Variants in DCLRE1C observed in about 807,000 individuals in gnomAD.
The protein encoded by DCLRE1C is protein artemis.
Under a neutral mutation model 61.4 loss-of-function variants are expected in DCLRE1C, and 47 were observed. The observed-to-expected ratio is 0.77, with a 90% CI of 0.61 to 0.98. The LOEUF is 0.98. Among genes scored for constraint, DCLRE1C ranks in the 50% least tolerant of loss-of-function variants. DCLRE1C has a pLI of 0.00. For missense variants in DCLRE1C, 858 were observed against 816.0 expected, an observed-to-expected ratio of 1.05 and a Z score of -0.63; for synonymous variants, 337 against 287.6, an observed-to-expected ratio of 1.17 and a Z score of -1.74.
At chr10:14,935,956 T>G (rs1463418278) in intron 5 of DCLRE1C, among the ~76,000 whole-genome samples, 1 of 152,262 alleles carries the variant, frequency 6.6e-6, no homozygotes, top group Non-Finnish European at 1.5e-5. Context: ...TCCCCCAGGC[T>G]GCAAGGCAGT....
intron 1 of DCLRE1C, 77 bp downstream of exon 1, chr10:14,953,825 C>A (rs1420457656): frequency 5.0e-6 from 8 of 1,593,036 alleles, no homozygotes; most frequent in Non-Finnish European, 6.8e-6. Context: ...CAGCTCCTTG[C>A]TCCAGGGCCG....
At chr10:14,935,366 T>G in intron 6 of DCLRE1C, 97 bp downstream of exon 6, 1 of 1,351,564 alleles carries the variant, frequency 7.4e-7, no homozygotes, top group Non-Finnish European at 1.0e-6. Flanking sequence ...CTTGGGAGGC[T>G]GAGGCAGGAG....
chr10:14,938,701 G>C (rs1376866777), intron 4 of DCLRE1C, among the ~76,000 whole-genome samples: 1 of 152,082 alleles, frequency 6.6e-6, no homozygotes, highest in African/African-American at 2.4e-5. Context: ...ACTTGGCAGA[G>C]CCCCTTTTCT....
At chr10:14,910,915 C>A (rs965724811) in intron 13 of DCLRE1C, among the ~76,000 whole-genome samples, 2 of 152,294 alleles carry the variant, frequency 1.3e-5, no homozygotes, top group African/African-American at 4.8e-5. Context: ...TGACTCCCTG[C>A]TTCATAACAG....
exon 14 of DCLRE1C, chr10:14,899,288 C>G: frequency 1.4e-6 from 1 of 702,346 alleles, no homozygotes; most frequent in Non-Finnish European, 2.6e-6. Context: ...CCACCGCATT[C>G]TAGCCTGAGT....
In DCLRE1C at chr10:14,948,967, C is replaced by A. The variant is rs1049235325; in HGVS notation, c.161+69G>T. The A allele has an allele frequency of 7.2e-6, 8 of 1,114,622 alleles. No individual in the cohort carries two copies. The African/African-American group carries it at 1.2e-4, about 17-fold the overall frequency. 69.0% of individuals were successfully genotyped at this position (1,114,622 alleles called of 1,614,324 possible). A position where few individuals can be genotyped will look rare whatever the true frequency, so the allele number is the denominator to read the frequency against. ...ATGACTATATGCTTGGATGTATATA[C>A]TTTTCTGTACAGTTGTTATCTCTCA... On this transcript the variant is annotated intron_variant, in intron 2 of 13. Transcript: ENST00000378278.
At chr10:14,901,378 G>A, downstream of DCLRE1C, 1 of 1,387,952 alleles carries the variant, frequency 7.2e-7, no homozygotes. Flanking sequence ...GAAAAGTTGA[G>A]GCACTAAGTT....
At chr10:14,940,210 G>A (rs752173627) in intron 3 of DCLRE1C, among the ~76,000 whole-genome samples, 2 of 151,746 alleles carry the variant, frequency 1.3e-5, no homozygotes, top group Non-Finnish European at 2.9e-5. Context: ...GTAAAAACGT[G>A]GTCCTGTGTC....
chr10:14,932,910 G>A lies in DCLRE1C; in HGVS notation c.724C>T (p.Leu242Phe). Reference protein sequence around the residue: ...LDMFRNMPEILHHLTTDRNTQ... With the variant: ...LDMFRNMPEIFHHLTTDRNTQ... ...TTGCGGTCTGTTGTGAGATGATGAA[G>A]GATCTCAGGCATGTTCCTAAACATG... Residue 242 changes from leucine (L) to phenylalanine (F), a missense_variant, in exon 9 of 14, where the codon CTT becomes TTT. By Grantham distance (22) the Leu-to-Phe change is conservative (BLOSUM62 0). Transcript: ENST00000378278. 6.2e-7 allele frequency: 1 copy of A among 1,614,150 alleles called. No homozygotes were observed. The highest frequency in any genetic ancestry group is 8.5e-7 in the Non-Finnish European group (1 of 1,180,002).
At chr10:14,942,138 G>A (rs1441526165) in intron 3 of DCLRE1C, 3 of 152,248 alleles carry the variant, frequency 2.0e-5, no homozygotes, top group African/African-American at 7.2e-5. Context: ...CAGAGTCTGG[G>A]GCAGGGCCGC....
At chr10:14,910,928 T>C (rs1284802796) in intron 13 of DCLRE1C, among the ~76,000 whole-genome samples, 2 of 152,144 alleles carry the variant, frequency 1.3e-5, no homozygotes, top group Admixed American at 6.5e-5. Flanking sequence ...CATAACAGAT[T>C]CCAGTCAGGG....
At chr10:14,912,560 T>TA (rs1304607727) in intron 13 of DCLRE1C, among the ~76,000 whole-genome samples, 1 of 152,262 alleles carries the variant, frequency 6.6e-6, no homozygotes, top group Non-Finnish European at 1.5e-5. Context: ...TAAAATGTTG[T>TA]ATGCCTGTAC....
intron 2 of DCLRE1C, among the ~76,000 whole-genome samples, chr10:14,948,478 C>A (rs1027724009): frequency 6.6e-6 from 1 of 152,190 alleles, no homozygotes; most frequent in Non-Finnish European, 1.5e-5. Context: ...CATTCTCTCT[C>A]ATATACTCTT....
At chr10:14,928,211 G>T in intron 9 of DCLRE1C, 59 bp from the exon 10 acceptor site, 1 of 1,508,652 alleles carries the variant, frequency 6.6e-7, no homozygotes, top group Non-Finnish European at 9.1e-7. Context: ...TCTGTTGTAG[G>T]CAGAGTCTCA....
At position 14,905,080 on chromosome 10, in the gene DCLRE1C, T is replaced by TAC. The variant is rs1053227567; in HGVS notation, c.*3327_*3328insGT. Among the ~76,000 whole-genome samples, 3 of 152,252 alleles carry TAC rather than the reference T, an allele frequency of 2.0e-5. No individual in the cohort carries two copies. Among genetic ancestry groups the TAC allele is most frequent in the Non-Finnish European group, 2.9e-5 (2 of 68,036 alleles). ...AGCTTTGTTTCTGTTTTACAGTCAT[T>TAC]TCCAGTAAGACTATAAAAGGGGCAG... is the stretch of plus-strand genomic sequence containing the variant. On this transcript the variant is annotated 3_prime_UTR_variant, in exon 14 of 14. Transcript: ENST00000378278.
intron 12 of DCLRE1C, 130 bp downstream of exon 12, chr10:14,922,851 G>A: frequency 1.4e-6 from 1 of 723,674 alleles, no homozygotes; most frequent in Non-Finnish European, 2.5e-6. Flanking sequence ...AAATGGAAAT[G>A]AGTATCAGTT....
intron 11 of DCLRE1C, among the ~76,000 whole-genome samples, chr10:14,925,225 T>TAA (rs67477083): frequency 0.069 from 7,477 of 108,674 alleles, 561 homozygotes; most frequent in East Asian, 0.21. Flanking sequence ...ATAAAGGATT[T>TAA]AAAAAAAAAA....
At chr10:14,938,278 G>C (rs116539917) in intron 4 of DCLRE1C, among the ~76,000 whole-genome samples, 2,009 of 151,950 alleles carry the variant, frequency 0.013, 19 homozygotes, top group African/African-American at 0.045. Context: ...CAAGGCCACA[G>C]ACCACCACAG....
chr10:14,916,010 C>G (rs1263733036), intron 13 of DCLRE1C, among the ~76,000 whole-genome samples: 5 of 152,166 alleles, frequency 3.3e-5, no homozygotes, highest in Non-Finnish European at 7.4e-5. Flanking sequence ...ATATGATCAT[C>G]TCAACAAATA....
Sources: gnomAD v4.1 joint callset for allele counts (sites outside exome capture counted in the v4.1 genomes callset) on GRCh38, gnomAD v4.1.1 for gene constraint, MANE v1.5 for transcripts, NCBI Gene and HGNC (gene_info 2026-07-23, HGNC 2026-07-21) for gene names.